Variants in SPPL3 observed in about 807,000 individuals in gnomAD.
SPPL3 encodes the protein signal peptide peptidase like 3.
SPPL3 carries 5 observed loss-of-function variants against 42.4 expected under a neutral mutation model. The observed-to-expected ratio is 0.12, with a 90% CI of 0.06 to 0.25. The LOEUF (loss-of-function observed/expected upper bound fraction) is 0.25. Among genes scored for constraint, SPPL3 ranks in the 10% least tolerant of loss-of-function variants. The probability of loss-of-function intolerance (pLI) is 1.00; values close to 1 mark genes in which losing one functional copy is unlikely to be tolerated. For missense variants in SPPL3, 235 were observed against 489.0 expected, an observed-to-expected ratio of 0.48 and a Z score of 4.90; for synonymous variants, 195 against 181.8, an observed-to-expected ratio of 1.07 and a Z score of -0.58.
chr12:120,893,382 AT>A (rs766876932), intron 1 of SPPL3, among the ~76,000 whole-genome samples: 1 of 151,760 alleles, frequency 6.6e-6, no homozygotes, highest in African/African-American at 2.4e-5. Context: ...AAAAATATAT[AT>A]TTTTTTCCGA....
chr12:120,773,105 ATGAC>A (rs994321128), intron 6 of SPPL3, among the ~76,000 whole-genome samples: 3 of 152,206 alleles, frequency 2.0e-5, no homozygotes, highest in Non-Finnish European at 4.4e-5. Context: ...CTGCAAAGGG[ATGAC>A]TGAAACATGA....
chr12:120,789,927 G>C (rs1417514851), intron 3 of SPPL3, among the ~76,000 whole-genome samples: 1 of 150,980 alleles, frequency 6.6e-6, no homozygotes, highest in African/African-American at 2.4e-5. Flanking sequence ...TGTTTTTGAG[G>C]TAAACTTAGA....
intron 1 of SPPL3, among the ~76,000 whole-genome samples, chr12:120,846,069 G>C (rs530768543): frequency 6.7e-4 from 102 of 152,166 alleles, no homozygotes; most frequent in African/African-American, 2.4e-3. Flanking sequence ...GCTGATTTTT[G>C]TATTTTTAGT....
At chr12:120,823,077 A>G (rs1236078917) in intron 1 of SPPL3, among the ~76,000 whole-genome samples, 1 of 151,936 alleles carries the variant, frequency 6.6e-6, no homozygotes, top group East Asian at 1.9e-4. Flanking sequence ...GGGAGTTCAC[A>G]AAGTAGTCAA....
intron 1 of SPPL3, among the ~76,000 whole-genome samples, chr12:120,897,227 T>G (rs1360609529): frequency 1.3e-5 from 2 of 152,220 alleles, no homozygotes; most frequent in Non-Finnish European, 2.9e-5. Flanking sequence ...AGCATTTAAA[T>G]TGATAGTACT....
chr12:120,864,188 T>C (rs1872695864), intron 1 of SPPL3, among the ~76,000 whole-genome samples: 1 of 152,168 alleles, frequency 6.6e-6, no homozygotes, highest in South Asian at 2.1e-4. Context: ...CATTATCCAA[T>C]ACTAAAAATT....
chr12:120,766,100 G>GCACACA lies in SPPL3; in HGVS notation c.1083+157_1083+162dup, dbSNP rs111837123. 2.7e-3 allele frequency among the ~76,000 whole-genome samples: 226 copies of GCACACA among 84,112 alleles called. 2 individuals are homozygous for GCACACA. The highest frequency in any genetic ancestry group is 0.023 in the South Asian group (64 of 2,758). 55.2% of individuals were successfully genotyped at this position (84,112 alleles called of 152,430 possible). On this transcript the variant is annotated intron_variant, in intron 10 of 10. Transcript: ENST00000353487. ...GCTAACGCCAGGGTAGCGCGCGCGCGCACACACACACACACACACACACAC... is the reference window on the plus strand; with the variant it reads ...GCTAACGCCAGGGTAGCGCGCGCGCGCACACACACACACACACACACACACACACAC...
At chr12:120,782,835 A>G (rs551262922) in intron 5 of SPPL3, 68 bp from the exon 6 acceptor site, 2 of 1,139,480 alleles carry the variant, frequency 1.8e-6, no homozygotes, top group Non-Finnish European at 2.6e-6. Flanking sequence ...CTCCTTTGGT[A>G]TTTCGTGATG....
chr12:120,815,836 C>T (rs1167602674), intron 1 of SPPL3, among the ~76,000 whole-genome samples: 1 of 152,114 alleles, frequency 6.6e-6, no homozygotes, highest in Non-Finnish European at 1.5e-5. Flanking sequence ...AAGCAAAATT[C>T]TCCTGCCTCA....
intron 1 of SPPL3, among the ~76,000 whole-genome samples, chr12:120,876,335 C>A (rs753465826): frequency 6.6e-6 from 1 of 151,608 alleles, no homozygotes; most frequent in Admixed American, 6.6e-5. Flanking sequence ...TTGAATGGGC[C>A]AGGCACAGTG....
At position 120,763,693 on chromosome 12, in the gene SPPL3, AT is replaced by A. The variant is rs1868755305; in HGVS notation, c.*1305del. Reference sequence around the variant, plus strand: ...GCTGGTTCTTTCCCCAGTTACTGGAATTTAGGGCCCATCTCAGAGGGGCATT... The same window carrying A: ...GCTGGTTCTTTCCCCAGTTACTGGAATTAGGGCCCATCTCAGAGGGGCATT... On this transcript the variant is annotated 3_prime_UTR_variant, in exon 11 of 11. Coordinates refer to ENST00000353487, the MANE Select transcript of SPPL3 (RefSeq NM_139015.5). The A allele has an allele frequency of 6.5e-6, 1 of 153,146 alleles. No homozygotes were observed. Among genetic ancestry groups the A allele is most frequent in the South Asian group, 2.1e-4 (1 of 4,822 alleles). 9.5% of individuals were successfully genotyped at this position (153,146 alleles called of 1,614,324 possible).
chr12:120,815,537 G>GT (rs1250452411), intron 1 of SPPL3, among the ~76,000 whole-genome samples: 2 of 152,032 alleles, frequency 1.3e-5, no homozygotes, highest in African/African-American at 4.8e-5. Flanking sequence ...GGATGACTTT[G>GT]TTTTTGTATC....
intron 1 of SPPL3, among the ~76,000 whole-genome samples, chr12:120,840,858 A>T (rs1308683272): frequency 2.0e-5 from 3 of 151,826 alleles, no homozygotes; most frequent in Non-Finnish European, 4.4e-5. Flanking sequence ...AAATAAAAAC[A>T]TCGCTTGAAC....
intron 1 of SPPL3, among the ~76,000 whole-genome samples, chr12:120,870,792 G>C (rs751892909): frequency 6.6e-6 from 1 of 152,110 alleles, no homozygotes; most frequent in South Asian, 2.1e-4. Flanking sequence ...CAAATTCATA[G>C]ACAGTGGAAT....
intron 1 of SPPL3, among the ~76,000 whole-genome samples, chr12:120,844,443 T>G (rs1190225220): frequency 6.6e-6 from 1 of 152,170 alleles, no homozygotes; most frequent in Non-Finnish European, 1.5e-5. Flanking sequence ...TAAAATCCTC[T>G]AACAGCCTCC....
Position 120,764,764 on chromosome 12 carries a change from C to A in SPPL3, c.*235G>T, listed in dbSNP as rs999084149. ...GGGAGGAAGGCGCGCTGGGGAGAGGCCTGTCCCTCTTGGAAGGGGCCCCAC... is the reference window on the plus strand; with the variant it reads ...GGGAGGAAGGCGCGCTGGGGAGAGGACTGTCCCTCTTGGAAGGGGCCCCAC... On this transcript the variant is annotated 3_prime_UTR_variant, in exon 11 of 11. Coordinates refer to ENST00000353487, the MANE Select transcript of SPPL3 (RefSeq NM_139015.5). 4 of 486,458 alleles carry A rather than the reference C, an allele frequency of 8.2e-6. No individual in the cohort carries two copies. The Admixed American group carries it at 1.5e-4, about 18-fold the overall frequency. The allele number at this position is 486,458 out of a possible 1,614,324, so 30.1% of individuals were successfully genotyped here.
At chr12:120,819,637 T>A (rs1870988210) in intron 1 of SPPL3, among the ~76,000 whole-genome samples, 1 of 152,208 alleles carries the variant, frequency 6.6e-6, no homozygotes, top group Non-Finnish European at 1.5e-5. Context: ...GCATCTCAAA[T>A]GACTGCACAA....
At chr12:120,858,727 C>T (rs2137040351) in intron 1 of SPPL3, among the ~76,000 whole-genome samples, 1 of 152,114 alleles carries the variant, frequency 6.6e-6, no homozygotes, top group South Asian at 2.1e-4. Context: ...AAAATGTATA[C>T]AATAGGAGTC....
intron 1 of SPPL3, among the ~76,000 whole-genome samples, chr12:120,893,546 G>GC (rs1350374811): frequency 6.6e-6 from 1 of 151,998 alleles, no homozygotes; most frequent in African/African-American, 2.4e-5. Flanking sequence ...CCCAGAAGAT[G>GC]CCTTTATTTC....
Sources: gnomAD v4.1 joint callset for allele counts (sites outside exome capture counted in the v4.1 genomes callset) on GRCh38, gnomAD v4.1.1 for gene constraint, MANE v1.5 for transcripts, NCBI Gene and HGNC (gene_info 2026-07-23, HGNC 2026-07-21) for gene names.